The following IL13RA1 variants were observed in gnomAD, a reference collection of about 807,000 sequenced individuals.
IL13RA1 encodes the protein interleukin 13 receptor subunit alpha 1.
A neutral mutation model predicts 33.8 loss-of-function variants in IL13RA1; 14 were observed. The ratio of observed to expected loss-of-function variants is 0.41; its 90% CI spans 0.27 to 0.65. IL13RA1 has a LOEUF of 0.65. Ranked by LOEUF, IL13RA1 falls within the 30% of genes least tolerant of loss-of-function variation. The pLI is 0.28. For synonymous variants in IL13RA1, 116 were observed against 115.7 expected, an observed-to-expected ratio of 1.00 and a Z score of -0.02; for missense variants, 313 against 327.0, an observed-to-expected ratio of 0.96 and a Z score of 0.33.
intron 10 of IL13RA1, among the ~76,000 whole-genome samples, chrX:118,781,593 C>T (rs902967998): frequency 1.8e-5 from 2 of 112,634 alleles, no homozygotes; most frequent in African/African-American, 6.4e-5. Context: ...CTCAGGTGGT[C>T]CGCCCGCCTT....
chrX:118,779,400 A>G (rs772994008), intron 10 of IL13RA1, among the ~76,000 whole-genome samples: 1 of 112,283 alleles, frequency 8.9e-6, no homozygotes, highest in South Asian at 3.7e-4. Flanking sequence ...TAGGTTTTCA[A>G]AGCATTTAAT....
intron 10 of IL13RA1, among the ~76,000 whole-genome samples, chrX:118,790,086 C>T (rs182139411): frequency 8.9e-6 from 1 of 111,894 alleles, no homozygotes; most frequent in African/African-American, 3.2e-5. Context: ...AACCACTGCT[C>T]CATTAAAAAT....
At chrX:118,780,736 C>T (rs1249988244) in intron 10 of IL13RA1, among the ~76,000 whole-genome samples, 1 of 112,140 alleles carries the variant, frequency 8.9e-6, no homozygotes, top group African/African-American at 3.2e-5. Flanking sequence ...GACCCAAACA[C>T]TTCCCACCAG....
chrX:118,736,001 T>C (rs964538062), intron 1 of IL13RA1, among the ~76,000 whole-genome samples: 1 of 111,844 alleles, frequency 8.9e-6, no homozygotes, highest in African/African-American at 3.2e-5. Context: ...ATAATTTTTA[T>C]TGCCCTAATT....
chrX:118,752,662 C>T (rs1349701268), intron 4 of IL13RA1, among the ~76,000 whole-genome samples: 2 of 112,111 alleles, frequency 1.8e-5, no homozygotes, highest in African/African-American at 3.3e-5. Context: ...CTCTTGAGAG[C>T]GGGAGCTGTG....
At chrX:118,791,641 G>T in intron 10 of IL13RA1, 121 bp from the exon 11 acceptor site, 1 of 309,908 alleles carries the variant, frequency 3.2e-6, no homozygotes, top group Non-Finnish European at 5.7e-6. Context: ...AAAAAAACAG[G>T]AAATCATACC....
intron 10 of IL13RA1, among the ~76,000 whole-genome samples, chrX:118,780,969 T>C (rs1185260649): frequency 8.9e-6 from 1 of 112,439 alleles, no homozygotes; most frequent in Non-Finnish European, 1.9e-5. Context: ...ACTTATTTAG[T>C]TATGGCCATG....
At chrX:118,738,781 C>CTTTTTTTTT (rs144796443) in intron 1 of IL13RA1, among the ~76,000 whole-genome samples, 1 of 60,229 alleles carries the variant, frequency 1.7e-5, no homozygotes, top group Non-Finnish European at 2.9e-5. Flanking sequence ...ATTTTAAGTC[C>CTTTTTTTTT]TTTTTTTTTT....
rs745490635 is a variant in IL13RA1, at chrX:118,773,320, G to A, written c.1010-559G>A. The stretch of plus-strand genomic sequence containing the variant: ...AGCCTGGCCCAAATAGGGAAACCCC[G>A]TCTCTACTAAAAATACAAAAATTAA... On this transcript the variant is annotated intron_variant, in intron 8 of 10. Coordinates refer to ENST00000371666, the MANE Select transcript of IL13RA1 (RefSeq NM_001560.3). Among the ~76,000 whole-genome samples the A allele has an allele frequency of 1.1e-4, 12 of 111,504 alleles. No homozygotes were observed. The South Asian group carries it at 2.3e-3, about 21-fold the overall frequency.
chrX:118,800,365 C>T, the IL13RA1 span, among the ~76,000 whole-genome samples: 1 of 110,864 alleles, frequency 9.0e-6, no homozygotes, highest in African/African-American at 3.3e-5. Flanking sequence ...GTAACACTCA[C>T]TGCGAAGACC....
At chrX:118,764,433 A>G (rs1238585402) in intron 6 of IL13RA1, among the ~76,000 whole-genome samples, 8 of 109,537 alleles carry the variant, frequency 7.3e-5, no homozygotes, top group Non-Finnish European at 1.5e-4. Flanking sequence ...CAACAGGTCT[A>G]CGATTCTAAA....
At chrX:118,796,727 G>A (rs1452169103), downstream of IL13RA1, among the ~76,000 whole-genome samples, 5 of 111,583 alleles carry the variant, frequency 4.5e-5, no homozygotes, top group Non-Finnish European at 9.4e-5. Context: ...GTAGAGATGG[G>A]GTTTCTCCAT....
intron 1 of IL13RA1, among the ~76,000 whole-genome samples, chrX:118,737,761 C>A (rs1002944930): frequency 9.0e-6 from 1 of 111,624 alleles, no homozygotes; most frequent in African/African-American, 3.3e-5. Context: ...TTGAAATGAA[C>A]CACAAATAGG....
chrX:118,749,425 G>A (rs1377610470), intron 3 of IL13RA1, among the ~76,000 whole-genome samples: 1 of 111,795 alleles, frequency 8.9e-6, no homozygotes, highest in Non-Finnish European at 1.9e-5. Context: ...GTCCCTCAGT[G>A]ATAGGGAAGA....
chrX:118,801,030 T>C, the IL13RA1 span, among the ~76,000 whole-genome samples: 3 of 111,847 alleles, frequency 2.7e-5, no homozygotes, highest in East Asian at 8.4e-4. Flanking sequence ...GCTCAAACAA[T>C]CCTCCCACTA....
intron 10 of IL13RA1, among the ~76,000 whole-genome samples, chrX:118,790,440 T>TA (rs2017963441): frequency 8.9e-6 from 1 of 112,307 alleles, no homozygotes; most frequent in Non-Finnish European, 1.9e-5. Flanking sequence ...GTGAAAATGC[T>TA]ATAAACATTC....
intron 4 of IL13RA1, among the ~76,000 whole-genome samples, chrX:118,753,973 G>T (rs1052913927): frequency 8.9e-6 from 1 of 112,636 alleles, no homozygotes; most frequent in African/African-American, 3.2e-5. Flanking sequence ...TAAAACTTCA[G>T]TTGCATAGTC....
downstream of IL13RA1, among the ~76,000 whole-genome samples, chrX:118,796,078 C>T (rs1019071185): frequency 1.6e-4 from 18 of 112,469 alleles, no homozygotes; most frequent in South Asian, 3.7e-4. Flanking sequence ...TCTTTCCTAA[C>T]GGTCACATTT....
At chrX:118,770,383 T>C in intron 8 of IL13RA1, 1 of 377,247 alleles carries the variant, frequency 2.7e-6, no homozygotes. Context: ...GTAGACCAAC[T>C]ACCCCATCAA....
Sources: allele counts gnomAD v4.1 joint callset (sites outside exome capture counted in the v4.1 genomes callset), GRCh38; gene constraint gnomAD v4.1.1; transcripts MANE v1.5; gene names NCBI Gene and HGNC (gene_info 2026-07-23, HGNC 2026-07-21).